LRIG1: variants seen among roughly 807,000 people sequenced by gnomAD.
LRIG1 encodes leucine-rich repeats and immunoglobulin-like domains protein 1.
In LRIG1, 48 loss-of-function variants were observed where a neutral mutation model predicts 99.2. The ratio of observed to expected loss-of-function variants is 0.48; its 90% CI spans 0.38 to 0.62. The LOEUF (loss-of-function observed/expected upper bound fraction) is 0.62. LRIG1 is among the 20% of genes least tolerant of loss of function. The pLI is 0.00. For missense variants in LRIG1, 1,646 were observed against 1,434.4 expected (o/e 1.15, Z -2.38); for synonymous variants, 772 against 596.1 (o/e 1.29, Z -4.30).
At chr3:66,478,594 T>C (rs1385474373) in intron 1 of LRIG1, among the ~76,000 whole-genome samples, 1 of 152,108 alleles carries the variant, frequency 6.6e-6, no homozygotes, top group Non-Finnish European at 1.5e-5. Context: ...CAATGCAGAT[T>C]CCCAGGCCCT....
intron 12 of LRIG1, among the ~76,000 whole-genome samples, chr3:66,390,125 CA>C (rs1701557845): frequency 6.6e-6 from 1 of 152,050 alleles, no homozygotes; most frequent in African/African-American, 2.4e-5. Flanking sequence ...GCCAGTGCAA[CA>C]GGCTAGAGAA....
intron 9 of LRIG1, chr3:66,404,347 A>G (rs2106638608): frequency 7.8e-7 from 1 of 1,286,486 alleles, no homozygotes; most frequent in African/African-American, 1.5e-5. Flanking sequence ...ATCGAGCGGC[A>G]GCCGTCCTCT....
chr3:66,409,430 A>G (rs767773038), intron 7 of LRIG1, among the ~76,000 whole-genome samples: 3 of 152,314 alleles, frequency 2.0e-5, no homozygotes, highest in South Asian at 4.1e-4. Context: ...GTCACTACTA[A>G]TCTCAGAACT....
chr3:66,484,136 G>A (rs1018483518), intron 1 of LRIG1, among the ~76,000 whole-genome samples: 1 of 152,178 alleles, frequency 6.6e-6, no homozygotes, highest in African/African-American at 2.4e-5. Context: ...GTGGTGAGGG[G>A]TATAGGAAGC....
chr3:66,405,487 G>C (rs1169628692), intron 8 of LRIG1, among the ~76,000 whole-genome samples: 2 of 152,154 alleles, frequency 1.3e-5, no homozygotes, highest in Non-Finnish European at 2.9e-5. Flanking sequence ...CCTTAGACAA[G>C]AAACTTCCCT....
chr3:66,475,501 C>T (rs1374252658), intron 1 of LRIG1, among the ~76,000 whole-genome samples: 2 of 152,184 alleles, frequency 1.3e-5, no homozygotes, highest in Non-Finnish European at 2.9e-5. Context: ...TCTCCTTACT[C>T]CCCACCACAC....
chr3:66,458,457 C>T (rs1700278586), intron 2 of LRIG1, among the ~76,000 whole-genome samples: 2 of 152,106 alleles, frequency 1.3e-5, no homozygotes, highest in Admixed American at 6.5e-5. Context: ...AATCCCAGCA[C>T]ACTGGGAGGC....
chr3:66,434,486 C>T (rs1490755328), intron 3 of LRIG1, among the ~76,000 whole-genome samples: 1 of 152,160 alleles, frequency 6.6e-6, no homozygotes, highest in Non-Finnish European at 1.5e-5. Context: ...GTAGCTCACA[C>T]CTGTAATCCC....
chr3:66,449,830 A>T (rs1333801327), intron 3 of LRIG1, among the ~76,000 whole-genome samples: 2 of 152,252 alleles, frequency 1.3e-5, no homozygotes, highest in Non-Finnish European at 2.9e-5. Context: ...GAACAAGAGC[A>T]GTTACATCAG....
chr3:66,469,299 C>T (rs1455292293), intron 1 of LRIG1: 1 of 152,158 alleles, frequency 6.6e-6, no homozygotes, highest in Non-Finnish European at 1.5e-5. Flanking sequence ...AGTTGTATCT[C>T]ACAAAGTCAG....
chr3:66,393,790 C>G (rs534479448), intron 12 of LRIG1, among the ~76,000 whole-genome samples: 48 of 152,340 alleles, frequency 3.2e-4, no homozygotes, highest in African/African-American at 1.0e-3. Flanking sequence ...ACTGATTATT[C>G]TGATTTGTAA....
At position 66,392,472 on chromosome 3, in the gene LRIG1, G is replaced by A. The variant is rs1011851114; in HGVS notation, c.1468+1568C>T. ...GTTATTATCTGAGTTTTGGATTCTA[G>A]CTGTCCTAGTGGATGTGGAGTGCTT... is the stretch of plus-strand genomic sequence containing the variant. On this transcript the variant is annotated intron_variant, in intron 12 of 18. Transcript: ENST00000273261. Among the ~76,000 whole-genome samples, 3 of 152,126 alleles carry A rather than the reference G, an allele frequency of 2.0e-5. No homozygotes were observed. The South Asian group carries it at 6.2e-4, about 32-fold the overall frequency.
chr3:66,423,030 T>TCACC (rs1416097301), intron 3 of LRIG1, among the ~76,000 whole-genome samples: 2 of 152,112 alleles, frequency 1.3e-5, no homozygotes, highest in Non-Finnish European at 2.9e-5. Context: ...CATAATTCAA[T>TCACC]CACCTGCCAC....
chr3:66,464,704 G>C (rs960908519), intron 1 of LRIG1, among the ~76,000 whole-genome samples: 5 of 152,026 alleles, frequency 3.3e-5, no homozygotes, highest in African/African-American at 1.2e-4. Context: ...CTGATGGCTC[G>C]GTTTGGGACT....
chr3:66,475,773 C>A (rs1019437732), intron 1 of LRIG1, among the ~76,000 whole-genome samples: 1 of 152,196 alleles, frequency 6.6e-6, no homozygotes, highest in South Asian at 2.1e-4. Flanking sequence ...TATAAGGTCA[C>A]AAGCACCTGA....
chr3:66,498,722 T>C (rs1701283380), intron 1 of LRIG1, among the ~76,000 whole-genome samples: 1 of 152,146 alleles, frequency 6.6e-6, no homozygotes, highest in Non-Finnish European at 1.5e-5. Context: ...ACTCAGTAAA[T>C]TCCACAGAAG....
intron 7 of LRIG1, 93 bp downstream of exon 7, chr3:66,410,036 G>T (rs1170360655): frequency 7.4e-7 from 1 of 1,356,896 alleles, no homozygotes; most frequent in Non-Finnish European, 1.0e-6. Context: ...CCCTCCCCGA[G>T]GCCACTGTGT....
chr3:66,387,136 C>G (rs1701413954), intron 12 of LRIG1: 1 of 150,576 alleles, frequency 6.6e-6, no homozygotes, highest in African/African-American at 2.5e-5. Context: ...TCAGTAGCCA[C>G]TGTTCAACAG....
At chr3:66,488,312 A>G (rs926770755) in intron 1 of LRIG1, among the ~76,000 whole-genome samples, 3 of 152,096 alleles carry the variant, frequency 2.0e-5, no homozygotes, top group African/African-American at 7.2e-5. Context: ...CCAAAAACAG[A>G]GTCAGACTTC....
Sources: allele counts gnomAD v4.1 joint callset (sites outside exome capture counted in the v4.1 genomes callset), GRCh38; gene constraint gnomAD v4.1.1; transcripts MANE v1.5; gene names NCBI Gene and HGNC (gene_info 2026-07-23, HGNC 2026-07-21).